PRMT8: variants seen among roughly 807,000 people sequenced by gnomAD.
PRMT8 encodes protein arginine N-methyltransferase 8.
A neutral mutation model predicts 47.1 loss-of-function variants in PRMT8; 7 were observed. That is an observed-to-expected ratio of 0.15 (90% CI 0.08 to 0.28). The LOEUF (loss-of-function observed/expected upper bound fraction) is 0.28, where lower values mean the gene tolerates loss of function less well. Among genes scored for constraint, PRMT8 ranks in the 10% least tolerant of loss-of-function variants. The probability of loss-of-function intolerance (pLI) is 1.00; values close to 1 mark genes in which losing one functional copy is unlikely to be tolerated. For synonymous variants in PRMT8, 188 were observed against 186.5 expected (o/e 1.01, Z -0.07); for missense variants, 237 against 505.4 (o/e 0.47, Z 5.09).
chr12:3,537,017 T>G (rs998271128), intron 1 of PRMT8, among the ~76,000 whole-genome samples: 2 of 152,256 alleles, frequency 1.3e-5, no homozygotes, highest in Non-Finnish European at 2.9e-5. Flanking sequence ...CTTCTTATGG[T>G]AAAGTCCACA....
At chr12:3,531,785 C>G (rs1371781689) in intron 1 of PRMT8, among the ~76,000 whole-genome samples, 1 of 152,218 alleles carries the variant, frequency 6.6e-6, no homozygotes, top group East Asian at 1.9e-4. Flanking sequence ...CCAATCCCAG[C>G]CCCTCTACTC....
chr12:3,592,542 G>T (rs561649734), intron 9 of PRMT8, among the ~76,000 whole-genome samples, 190 bp downstream of exon 9: 1 of 152,048 alleles, frequency 6.6e-6, no homozygotes, highest in Non-Finnish European at 1.5e-5. Flanking sequence ...TCAAAACTCC[G>T]CAAATAGAGG....
intron 1 of PRMT8, among the ~76,000 whole-genome samples, chr12:3,497,092 A>G (rs935576883): frequency 2.0e-5 from 3 of 152,158 alleles, no homozygotes; most frequent in Non-Finnish European, 2.9e-5. Context: ...TGGAACATGC[A>G]AAAATCTGTA....
chr12:3,469,278 C>G (rs981024680), intron 1 of PRMT8: 2 of 429,884 alleles, frequency 4.7e-6, no homozygotes, highest in African/African-American at 4.1e-5. Flanking sequence ...CCTCACGACC[C>G]CCACCAAAGC....
chr12:3,568,334 C>T (rs1866768207), intron 4 of PRMT8, among the ~76,000 whole-genome samples: 1 of 136,430 alleles, frequency 7.3e-6, no homozygotes, highest in East Asian at 2.3e-4. Context: ...GAGGCAGGCA[C>T]ACTTGGTGTA....
chr12:3,407,027 A>G (rs1442562336), intron 1 of PRMT8, among the ~76,000 whole-genome samples: 2 of 152,196 alleles, frequency 1.3e-5, no homozygotes, highest in Admixed American at 6.5e-5. Context: ...TAATTAACTC[A>G]CAGTTCAGCA....
At chr12:3,574,953 CT>C (rs1174364676) in intron 6 of PRMT8, among the ~76,000 whole-genome samples, 1 of 152,192 alleles carries the variant, frequency 6.6e-6, no homozygotes, top group Non-Finnish European at 1.5e-5. Flanking sequence ...TACGTTTTAT[CT>C]GGGGAGAGGG....
intron 1 of PRMT8, among the ~76,000 whole-genome samples, chr12:3,496,210 A>ATTT (rs1565423219): frequency 9.5e-5 from 1 of 10,564 alleles, no homozygotes; most frequent in Non-Finnish European, 1.9e-4. Context: ...ATATATATAT[A>ATTT]TATATTTTTT....
intron 1 of PRMT8, among the ~76,000 whole-genome samples, chr12:3,460,161 C>T (rs919167526): frequency 4.6e-5 from 7 of 152,192 alleles, no homozygotes; most frequent in Non-Finnish European, 7.3e-5. Context: ...AACTAAGACA[C>T]GAAGTGGCTT....
rs147364133 is a variant in PRMT8, at chr12:3,458,311, CT to C, written c.48+76870del. Among the ~76,000 whole-genome samples the C allele has an allele frequency of 6.8e-3, 1,043 of 152,342 alleles. 15 individuals carry two copies. The highest frequency in any genetic ancestry group is 0.024 in the African/African-American group (988 of 41,580). ...TTCCTCATCCCTGTGGCCAGGAGGGCTGCATATCACTCCATCCTTGGCGGTG... is the reference window on the plus strand; with the variant it reads ...TTCCTCATCCCTGTGGCCAGGAGGGCGCATATCACTCCATCCTTGGCGGTG... On this transcript the variant is annotated intron_variant, in intron 1 of 9. Coordinates refer to the PRMT8 transcript ENST00000452611.
At chr12:3,485,042 G>A (rs1024887235) in intron 1 of PRMT8, among the ~76,000 whole-genome samples, 1 of 152,178 alleles carries the variant, frequency 6.6e-6, no homozygotes, top group Admixed American at 6.5e-5. Flanking sequence ...TCAGGCCTGA[G>A]TGTCCTTTGT....
At position 3,564,723 on chromosome 12, in the gene PRMT8, G is replaced by A. The variant is rs1866690456; in HGVS notation, c.482-3983G>A. Among the ~76,000 whole-genome samples, 1 of 152,246 alleles carries A rather than the reference G, an allele frequency of 6.6e-6. No individual in the cohort carries two copies. The stretch of plus-strand genomic sequence containing the variant: ...GTTGATGCAGTTTTAGTGACTTGGG[G>A]TCCAGATTGGGCATGGAGCTCTGCA... On this transcript the variant is annotated intron_variant, in intron 4 of 9. Transcript: ENST00000382622. This position sits in a 1 kb window ranked among gnomAD's most constrained non-coding sequence, Gnocchi z 4.0.
At chr12:3,461,151 G>A (rs980225340) in intron 1 of PRMT8, among the ~76,000 whole-genome samples, 4 of 152,268 alleles carry the variant, frequency 2.6e-5, no homozygotes, top group Non-Finnish European at 5.9e-5. Context: ...TGAGCTGGTA[G>A]GTAAGCATGG....
chr12:3,381,423 A>G (rs1864090437), exon 1 of PRMT8: 1 of 1,536,122 alleles, frequency 6.5e-7, no homozygotes, highest in Non-Finnish European at 8.7e-7. Context: ...GATGGATTCA[A>G]GCTGAAAGAG....
intron 1 of PRMT8, among the ~76,000 whole-genome samples, chr12:3,496,212 ATATT>A (rs1214426153): frequency 2.8e-3 from 54 of 19,388 alleles, no homozygotes; most frequent in Middle Eastern, 0.031. Flanking sequence ...ATATATATAT[ATATT>A]TTTTTTTTTT....
At position 3,592,365 on chromosome 12, in the gene PRMT8, G is replaced by C. The variant is rs753733486; in HGVS notation, c.1101+13G>C. 1.9e-6 allele frequency: 3 copies of C among 1,599,000 alleles called. No homozygotes were observed. In the Admixed American group the frequency reaches 5.2e-5, roughly 28 times the overall value. ...TGCCAAAAATGTGGTAAGTGCCGAG[G>C]GACATAAGGACATAAGGGAGAAGGG... On this transcript the variant is annotated intron_variant, in intron 9 of 9. Coordinates refer to ENST00000382622, the MANE Select transcript of PRMT8 (RefSeq NM_019854.5).
chr12:3,407,774 C>T (rs1864387639), intron 1 of PRMT8, among the ~76,000 whole-genome samples: 2 of 152,136 alleles, frequency 1.3e-5, no homozygotes, highest in African/African-American at 4.8e-5. Flanking sequence ...CTTAATGGTG[C>T]ATCATAAGTC....
At chr12:3,489,449 C>T (rs1865353268), upstream of PRMT8, among the ~76,000 whole-genome samples, 1 of 151,854 alleles carries the variant, frequency 6.6e-6, no homozygotes, top group Non-Finnish European at 1.5e-5. Context: ...CCTCCTCTCT[C>T]CAATCTTGGG....
At chr12:3,435,970 C>G (rs1864737345) in intron 1 of PRMT8, among the ~76,000 whole-genome samples, 2 of 152,162 alleles carry the variant, frequency 1.3e-5, no homozygotes, top group African/African-American at 4.8e-5. Context: ...CGCAAGGAAA[C>G]TGAGGCTTGA....
Sources: gnomAD v4.1 joint callset for allele counts (sites outside exome capture counted in the v4.1 genomes callset) on GRCh38, gnomAD v4.1.1 for gene constraint, Gnocchi (gnomAD v3.1) non-coding constraint, MANE v1.5 for transcripts, NCBI Gene and HGNC (gene_info 2026-07-23, HGNC 2026-07-21) for gene names.